Variants in PTPRA observed in about 807,000 individuals in gnomAD.
The protein encoded by PTPRA is receptor-type tyrosine-protein phosphatase alpha.
PTPRA carries 25 observed loss-of-function variants against 104.8 expected under a neutral mutation model. The ratio of observed to expected loss-of-function variants is 0.24; its 90% confidence interval spans 0.17 to 0.33. PTPRA has a LOEUF of 0.33. Among genes scored for constraint, PTPRA ranks in the 10% least tolerant of loss-of-function variants. The pLI, the probability that PTPRA is intolerant of heterozygous loss-of-function variation, is 1.00. For missense variants in PTPRA, 765 were observed against 1,015.3 expected, an observed-to-expected ratio of 0.75 and a Z score of 3.35; for synonymous variants, 323 against 368.9, an observed-to-expected ratio of 0.88 and a Z score of 1.43.
At chr20:2,976,888 TTTAA>T (rs1304186275) in intron 6 of PTPRA, among the ~76,000 whole-genome samples, 1 of 152,224 alleles carries the variant, frequency 6.6e-6, no homozygotes, top group Non-Finnish European at 1.5e-5. Flanking sequence ...TGTCTGATGT[TTTAA>T]TTGTCAAAGC....
At chr20:2,970,847 G>A (rs140449019) in intron 5 of PTPRA, among the ~76,000 whole-genome samples, 3 of 151,874 alleles carry the variant, frequency 2.0e-5, no homozygotes, top group Admixed American at 1.3e-4. Context: ...AGTCTGTCTC[G>A]AATTTATTCT....
intron 2 of PTPRA, among the ~76,000 whole-genome samples, chr20:2,946,777 G>T (rs1360038111): frequency 6.6e-6 from 1 of 151,972 alleles, no homozygotes; most frequent in Non-Finnish European, 1.5e-5. Context: ...GAACCCGGGA[G>T]GCAGAGGTTG....
At chr20:2,868,195 G>A in the PTPRA span, among the ~76,000 whole-genome samples, 1 of 152,072 alleles carries the variant, frequency 6.6e-6, no homozygotes, top group Admixed American at 6.6e-5. Context: ...GTAGAATCTG[G>A]ACTGCCTTCC....
In PTPRA at chr20:2,912,692, G is replaced by A. The variant is rs577775892; in HGVS notation, c.-128-10515G>A. On this transcript the variant is annotated intron_variant, in intron 1 of 23. Transcript: ENST00000399903. ...CTCTTTAATTTTTCGTGACCAAACT[G>A]CTATTCTCTAGACCTACACTGTCCA... 2.6e-3 allele frequency among the ~76,000 whole-genome samples: 390 copies of A among 152,324 alleles called. 2 individuals carry two copies. Among genetic ancestry groups the A allele is most frequent in the African/African-American group, 8.9e-3 (369 of 41,580 alleles).
intron 5 of PTPRA, among the ~76,000 whole-genome samples, chr20:2,970,044 ATAAT>A (rs1161621134): frequency 6.6e-6 from 1 of 152,092 alleles, no homozygotes; most frequent in East Asian, 1.9e-4. Flanking sequence ...TATAATATAA[ATAAT>A]AGATATGCTG....
chr20:3,000,407 A>G lies in PTPRA; in HGVS notation c.739-4649A>G, dbSNP rs566213117. The stretch of plus-strand genomic sequence containing the variant: ...ATGAACCTCATTAATAATCAGAGAA[A>G]TGTAAATCAGTTAACACAAAGTCTG... On this transcript the variant is annotated intron_variant, in intron 9 of 23. Coordinates refer to ENST00000399903, the MANE Select transcript of PTPRA (RefSeq NM_001385305.1). 5.9e-5 allele frequency among the ~76,000 whole-genome samples: 9 copies of G among 152,328 alleles called. 1 individual carries two copies. Among genetic ancestry groups the G allele is most frequent in the African/African-American group, 2.2e-4 (9 of 41,582 alleles).
At chr20:2,884,485 G>A (rs910840653) in intron 1 of PTPRA, among the ~76,000 whole-genome samples, 3 of 152,138 alleles carry the variant, frequency 2.0e-5, no homozygotes, top group African/African-American at 7.2e-5. Context: ...GTGTGAAGTT[G>A]TATCTCATTG....
chr20:2,900,642 G>C (rs2059196672), intron 1 of PTPRA, among the ~76,000 whole-genome samples: 1 of 151,460 alleles, frequency 6.6e-6, no homozygotes, highest in Non-Finnish European at 1.5e-5. Flanking sequence ...GATCACCTGA[G>C]GTCAGGAGTT....
chr20:3,018,387 G>C (rs1167790727), intron 13 of PTPRA, among the ~76,000 whole-genome samples: 1 of 151,688 alleles, frequency 6.6e-6, no homozygotes, highest in African/African-American at 2.4e-5. Context: ...TGCAGTGTTT[G>C]TGTCCCTGGG....
chr20:3,008,790 G>A (rs923479513), intron 11 of PTPRA, among the ~76,000 whole-genome samples: 1 of 150,776 alleles, frequency 6.6e-6, no homozygotes, highest in Non-Finnish European at 1.5e-5. Context: ...GCAGGCGCCT[G>A]TAATCCCAGC....
At chr20:2,973,792 A>G (rs899832978) in intron 5 of PTPRA, among the ~76,000 whole-genome samples, 1 of 152,222 alleles carries the variant, frequency 6.6e-6, no homozygotes, top group African/African-American at 2.4e-5. Context: ...ATAGTCTGCC[A>G]GGAGAGCTTG....
At chr20:2,897,895 T>A (rs1294407199) in intron 1 of PTPRA, among the ~76,000 whole-genome samples, 1 of 149,190 alleles carries the variant, frequency 6.7e-6, no homozygotes, top group East Asian at 2.0e-4. Flanking sequence ...TTTTTCCATG[T>A]CCTCATCATT....
At chr20:2,974,578 C>T (rs1438763348) in intron 5 of PTPRA, among the ~76,000 whole-genome samples, 1 of 152,142 alleles carries the variant, frequency 6.6e-6, no homozygotes, top group Non-Finnish European at 1.5e-5. Flanking sequence ...AGGCACCCAC[C>T]ACCACGCCCA....
chr20:2,947,079 A>G (rs1437282445), intron 2 of PTPRA, among the ~76,000 whole-genome samples: 1 of 152,146 alleles, frequency 6.6e-6, no homozygotes, highest in Admixed American at 6.5e-5. Context: ...TAGTTGAATG[A>G]ATGAGCAAAT....
At chr20:2,918,153 G>T (rs1421274256) in intron 1 of PTPRA, among the ~76,000 whole-genome samples, 3 of 151,674 alleles carry the variant, frequency 2.0e-5, no homozygotes, top group Non-Finnish European at 4.4e-5. Context: ...GAAATATTGG[G>T]TGTCAGGCAA....
intron 13 of PTPRA, 22 bp downstream of exon 13, chr20:3,017,935 G>C (rs913037005): frequency 6.3e-7 from 1 of 1,585,556 alleles, no homozygotes; most frequent in African/African-American, 1.3e-5. Flanking sequence ...AATTGGATGT[G>C]AACAGCAGAA....
rs376927588 is a variant in PTPRA at position 2,996,480 on chromosome 20, T to G, written c.738+8006T>G. On this transcript the variant is annotated intron_variant, in intron 9 of 23. Coordinates refer to ENST00000399903, the MANE Select transcript of PTPRA (RefSeq NM_001385305.1). ...GATGGGGAAGGCCTTTCTAAGCTAC[T>G]TAGAAGATTTAGATGCCAGAATGGA... 5.9e-5 allele frequency among the ~76,000 whole-genome samples: 9 copies of G among 152,200 alleles called. No individual in the cohort carries two copies. In the East Asian group the frequency reaches 1.2e-3, roughly 20 times the overall value.
intron 2 of PTPRA, among the ~76,000 whole-genome samples, chr20:2,925,630 A>G (rs143738245): frequency 5.0e-4 from 76 of 152,270 alleles, no homozygotes; most frequent in Non-Finnish European, 9.7e-4. Flanking sequence ...CTTGGACAAC[A>G]TGGCAAAACC....
chr20:2,940,202 A>G (rs1169028512), intron 2 of PTPRA, among the ~76,000 whole-genome samples: 1 of 152,234 alleles, frequency 6.6e-6, no homozygotes, highest in Non-Finnish European at 1.5e-5. Flanking sequence ...CCCTGCTGCA[A>G]TTTTAAATTA....
Sources: gnomAD v4.1 joint callset for allele counts (sites outside exome capture counted in the v4.1 genomes callset) on GRCh38, gnomAD v4.1.1 for gene constraint, MANE v1.5 for transcripts, NCBI Gene and HGNC (gene_info 2026-07-23, HGNC 2026-07-21) for gene names.